Variants in PECR observed in about 807,000 individuals in gnomAD.
PECR encodes the protein 2,4-dienoyl-CoA reductase-related protein.
A neutral mutation model predicts 35.3 loss-of-function variants in PECR; 30 were observed. That is an observed-to-expected ratio of 0.85 (90% CI 0.64 to 1.15). The LOEUF (loss-of-function observed/expected upper bound fraction) is 1.15. Among genes scored for constraint, PECR ranks in the 50% most tolerant of loss-of-function variants. PECR has a pLI of 0.00. For synonymous variants in PECR, 148 were observed against 138.9 expected, an observed-to-expected ratio of 1.07 and a Z score of -0.46; for missense variants, 392 against 370.8, an observed-to-expected ratio of 1.06 and a Z score of -0.47.
chr2:216,079,179 T>C (rs1403126831), intron 1 of PECR, among the ~76,000 whole-genome samples: 1 of 148,396 alleles, frequency 6.7e-6, no homozygotes, highest in Non-Finnish European at 1.5e-5. Context: ...ACTAAAAACA[T>C]AGATTTTTTT....
Position 216,043,024 on chromosome 2 carries a change from C to T in PECR, c.826+880G>A, listed in dbSNP as rs1162277381. On this transcript the variant is annotated intron_variant, in intron 7 of 7. Transcript: ENST00000265322. Reference sequence around the variant, plus strand: ...ATATGTGTATATATATATACACATACGTATATATGTATGTGTATATATATA... The same window carrying T: ...ATATGTGTATATATATATACACATATGTATATATGTATGTGTATATATATA... 1.3e-4 allele frequency among the ~76,000 whole-genome samples: 17 copies of T among 135,218 alleles called. 1 individual carries two copies. The highest frequency in any genetic ancestry group is 1.7e-4 in the Non-Finnish European group (11 of 63,914). 88.7% of individuals were successfully genotyped at this position (135,218 alleles called of 152,430 possible).
intron 3 of PECR, among the ~76,000 whole-genome samples, chr2:216,060,142 T>C (rs1303128243): frequency 6.6e-6 from 1 of 152,236 alleles, no homozygotes; most frequent in Non-Finnish European, 1.5e-5. Flanking sequence ...TTATTATTTA[T>C]ATATGCTTGA....
intron 1 of PECR, among the ~76,000 whole-genome samples, chr2:216,067,064 C>G (rs955435025): frequency 6.6e-6 from 1 of 151,764 alleles, no homozygotes; most frequent in Non-Finnish European, 1.5e-5. Flanking sequence ...TTGGATTGCC[C>G]CAGCTTGCTG....
chr2:216,077,153 C>T (rs1695720953), intron 1 of PECR, among the ~76,000 whole-genome samples: 1 of 152,012 alleles, frequency 6.6e-6, no homozygotes, highest in Admixed American at 6.5e-5. Flanking sequence ...CCACCTCGGC[C>T]TCCCAAAGTG....
At chr2:216,060,176 A>G (rs967240000) in intron 3 of PECR, among the ~76,000 whole-genome samples, 3 of 152,332 alleles carry the variant, frequency 2.0e-5, no homozygotes, top group Non-Finnish European at 4.4e-5. Context: ...AAATATATGA[A>G]AACATATAAA....
At chr2:216,077,692 A>G (rs1475456389) in intron 1 of PECR, among the ~76,000 whole-genome samples, 1 of 151,700 alleles carries the variant, frequency 6.6e-6, no homozygotes, top group Non-Finnish European at 1.5e-5. Context: ...CTGTAATCCC[A>G]GCTACTCAGG....
downstream of PECR, among the ~76,000 whole-genome samples, chr2:216,035,499 T>TTTTTTC (rs978445207): frequency 1.3e-5 from 2 of 151,260 alleles, no homozygotes; most frequent in Admixed American, 6.6e-5. Flanking sequence ...TTTTTTTTTT[T>TTTTTTC]TTTTTCGAGA....
At chr2:216,063,455 T>C (rs189164837) in intron 3 of PECR, among the ~76,000 whole-genome samples, 62 of 151,980 alleles carry the variant, frequency 4.1e-4, no homozygotes, top group African/African-American at 1.4e-3. Context: ...CCGTCTCTAC[T>C]AAAAATATAA....
chr2:216,064,882 C>A (rs577705036), intron 3 of PECR, among the ~76,000 whole-genome samples: 1 of 152,124 alleles, frequency 6.6e-6, no homozygotes, highest in Non-Finnish European at 1.5e-5. Flanking sequence ...CGAAACATGA[C>A]CTTTAATCCA....
At chr2:216,070,128 A>G (rs925870790) in intron 1 of PECR, among the ~76,000 whole-genome samples, 1 of 152,178 alleles carries the variant, frequency 6.6e-6, no homozygotes, top group African/African-American at 2.4e-5. Flanking sequence ...GACACACTTC[A>G]CATGAAAATA....
rs1206717179 is a variant in PECR, at chr2:216,056,723, G to GAA, written c.506+2170_506+2171dup. On this transcript the variant is annotated intron_variant, in intron 4 of 7. Coordinates refer to ENST00000265322, the MANE Select transcript of PECR (RefSeq NM_018441.6). ...GCAACAGGAGCAAAACTCCATCTCAGAAAAAAAAAAAAAAAAAAAGGAAAG... is the reference window on the plus strand; with the variant it reads ...GCAACAGGAGCAAAACTCCATCTCAGAAAAAAAAAAAAAAAAAAAAAGGAAAG... 6.4e-3 allele frequency among the ~76,000 whole-genome samples: 388 copies of GAA among 60,676 alleles called. 3 individuals carry two copies. Among genetic ancestry groups the GAA allele is most frequent in the South Asian group, 0.011 (23 of 2,112 alleles). The allele number at this position is 60,676 out of a possible 152,430, so 39.8% of individuals were successfully genotyped here. A position where few individuals can be genotyped will look rare whatever the true frequency, so the allele number is the denominator to read the frequency against.
At chr2:216,067,330 A>T (rs915057608) in intron 1 of PECR, among the ~76,000 whole-genome samples, 1 of 152,180 alleles carries the variant, frequency 6.6e-6, no homozygotes, top group African/African-American at 2.4e-5. Context: ...CAGGGAGATC[A>T]AACCCTGGCA....
intron 6 of PECR, 70 bp from the exon 7 acceptor site, chr2:216,044,085 C>T (rs780360950): frequency 6.4e-6 from 5 of 786,952 alleles, no homozygotes; most frequent in Non-Finnish European, 1.1e-5. Context: ...CTCACATTCC[C>T]CAGTAAAGGC....
intron 7 of PECR, among the ~76,000 whole-genome samples, chr2:216,043,599 A>G (rs924169857): frequency 3.9e-5 from 6 of 152,172 alleles, no homozygotes; most frequent in Non-Finnish European, 7.3e-5. Flanking sequence ...TTAAAACTAT[A>G]GCATGCTCTT....
intron 6 of PECR, among the ~76,000 whole-genome samples, chr2:216,046,188 T>C (rs569645527): frequency 1.4e-4 from 21 of 150,410 alleles, no homozygotes; most frequent in Non-Finnish European, 2.4e-4. Context: ...TACTCCTTTA[T>C]TACTATTTTA....
intron 1 of PECR, among the ~76,000 whole-genome samples, chr2:216,075,414 A>C (rs1216130098): frequency 6.6e-6 from 1 of 152,228 alleles, no homozygotes; most frequent in Non-Finnish European, 1.5e-5. Context: ...TTTGTAGAAA[A>C]TCACCAGGAA....
At chr2:216,065,635 A>G (rs1695451198) in intron 2 of PECR, among the ~76,000 whole-genome samples, 158 bp from the exon 3 acceptor site, 1 of 152,212 alleles carries the variant, frequency 6.6e-6, no homozygotes, top group African/African-American at 2.4e-5. Context: ...AATAAGACTA[A>G]AAATCCTACA....
chr2:216,061,311 C>CAAAAAAA (rs56791924), intron 3 of PECR, among the ~76,000 whole-genome samples: 4 of 44,950 alleles, frequency 8.9e-5, no homozygotes, highest in Non-Finnish European at 1.5e-4. Flanking sequence ...AACCCTGTCT[C>CAAAAAAA]AAAAAAAAAA....
In PECR at chr2:216,038,867, C is replaced by T. The variant is rs1694841280; in HGVS notation, c.*408G>A. The T allele has an allele frequency of 9.4e-6, 2 of 212,508 alleles. No individual in the cohort carries two copies. Among genetic ancestry groups the T allele is most frequent in the East Asian group, 1.3e-4 (1 of 7,804 alleles). 13.2% of individuals were successfully genotyped at this position (212,508 alleles called of 1,614,324 possible). ...CTTGAACTCCTGACCTCAACTGACC[C>T]GCCTACCTCGGCCTCCCAAAGTGCT... On this transcript the variant is annotated 3_prime_UTR_variant, in exon 8 of 8. Coordinates refer to ENST00000265322, the MANE Select transcript of PECR (RefSeq NM_018441.6).
Sources: gnomAD v4.1 joint callset for allele counts (sites outside exome capture counted in the v4.1 genomes callset) on GRCh38, gnomAD v4.1.1 for gene constraint, MANE v1.5 for transcripts, NCBI Gene and HGNC (gene_info 2026-07-23, HGNC 2026-07-21) for gene names.